PARVA: variants seen among roughly 807,000 people sequenced by gnomAD.
PARVA encodes the protein parvin alpha.
Under a neutral mutation model 52.6 loss-of-function variants are expected in PARVA, and 25 were observed. The ratio of observed to expected loss-of-function variants is 0.48; its 90% CI spans 0.35 to 0.66. The LOEUF is 0.66. Ranked by LOEUF, PARVA falls within the 30% of genes least tolerant of loss-of-function variation. The probability of loss-of-function intolerance (pLI) is 0.01; values close to 1 mark genes in which losing one functional copy is unlikely to be tolerated. For synonymous variants in PARVA, 185 were observed against 179.1 expected (o/e 1.03, Z -0.26); for missense variants, 373 against 450.9 (o/e 0.83, Z 1.56).
At chr11:12,377,233 A>C, upstream of PARVA, 1 of 354,866 alleles carries the variant, frequency 2.8e-6, no homozygotes. Flanking sequence ...GCCGGCTGGA[A>C]GACCCCGGGA....
chr11:12,407,683 A>T (rs758307410), intron 1 of PARVA, among the ~76,000 whole-genome samples: 1 of 152,170 alleles, frequency 6.6e-6, no homozygotes, highest in Non-Finnish European at 1.5e-5. Context: ...GCACAGAGGA[A>T]AGCAGTTTGA....
At chr11:12,493,465 G>A (rs893463214) in intron 4 of PARVA, among the ~76,000 whole-genome samples, 12 of 150,278 alleles carry the variant, frequency 8.0e-5, no homozygotes, top group African/African-American at 1.5e-4. Context: ...CTAAAATATC[G>A]AACAGCAAAA....
At chr11:12,473,393 C>T (rs917571361) in intron 1 of PARVA, among the ~76,000 whole-genome samples, 1 of 152,112 alleles carries the variant, frequency 6.6e-6, no homozygotes, top group Non-Finnish European at 1.5e-5. Flanking sequence ...GACAGGAAGT[C>T]CTGGAAGATG....
chr11:12,399,042 T>C (rs1348543793), intron 1 of PARVA, among the ~76,000 whole-genome samples: 1 of 152,316 alleles, frequency 6.6e-6, no homozygotes, highest in South Asian at 2.1e-4. Flanking sequence ...CACAGAGAGG[T>C]TGAGCAACTA....
rs566995713 is a variant in PARVA, at chr11:12,516,141, A to C, written c.868-1469A>C. Among the ~76,000 whole-genome samples, 69 of 152,334 alleles carry C rather than the reference A, an allele frequency of 4.5e-4. No individual in the cohort carries two copies. The East Asian group carries it at 5.4e-3, about 12-fold the overall frequency. ...GGCATGAGCCACCGCACTCGGCCAG[A>C]AGCTGCCTTTAAGGCAAGCGCAAGC... is the stretch of plus-strand genomic sequence containing the variant. On this transcript the variant is annotated intron_variant, in intron 10 of 12. Transcript: ENST00000334956.
intron 1 of PARVA, among the ~76,000 whole-genome samples, chr11:12,426,966 C>T (rs1049088039): frequency 6.6e-6 from 1 of 152,054 alleles, no homozygotes; most frequent in Admixed American, 6.6e-5. Flanking sequence ...AATAAATAGA[C>T]ATGATTTATT....
rs959286724 is a variant in PARVA, at chr11:12,438,031, C to T, written c.137-35714C>T. 5.9e-5 allele frequency among the ~76,000 whole-genome samples: 9 copies of T among 152,196 alleles called. No individual in the cohort carries two copies. In the South Asian group the frequency reaches 6.2e-4, roughly 11 times the overall value. The stretch of plus-strand genomic sequence containing the variant: ...ATCCCAGCACTTTGGGAGGCCGAGG[C>T]GGGTGGATCACGATGTCAGGAGATC... On this transcript the variant is annotated intron_variant, in intron 1 of 12. Coordinates refer to ENST00000334956, the MANE Select transcript of PARVA (RefSeq NM_018222.5).
intron 1 of PARVA, among the ~76,000 whole-genome samples, chr11:12,390,579 C>T (rs1049351778): frequency 6.6e-6 from 1 of 152,174 alleles, no homozygotes; most frequent in Non-Finnish European, 1.5e-5. Flanking sequence ...GCAGAGGCTG[C>T]TGTAGTCTCT....
intron 1 of PARVA, among the ~76,000 whole-genome samples, chr11:12,415,309 C>G (rs958068535): frequency 6.6e-6 from 1 of 152,148 alleles, no homozygotes; most frequent in Non-Finnish European, 1.5e-5. Flanking sequence ...CACAAAGTTT[C>G]GTGTGTCATA....
At position 12,530,680 on chromosome 11, in the gene PARVA, A is replaced by T. The variant is rs1044405115; in HGVS notation, c.*2755A>T. ...CATATAAAATCTGCGGGCTTCAAAA[A>T]ATATAAGTAGGATGTCATCTATACT... On this transcript the variant is annotated 3_prime_UTR_variant, in exon 13 of 13. Coordinates refer to ENST00000334956, the MANE Select transcript of PARVA (RefSeq NM_018222.5). 6.6e-6 allele frequency: 1 copy of T among 151,752 alleles called. No individual in the cohort carries two copies. Among genetic ancestry groups the T allele is most frequent in the Admixed American group, 6.6e-5 (1 of 15,188 alleles). 9.4% of individuals were successfully genotyped at this position (151,752 alleles called of 1,614,324 possible). A position where few individuals can be genotyped will look rare whatever the true frequency, so the allele number is the denominator to read the frequency against.
At chr11:12,445,748 G>T (rs10831821) in intron 1 of PARVA, among the ~76,000 whole-genome samples, 44,340 of 151,688 alleles carry the variant, frequency 0.29, 7,005 homozygotes, top group Non-Finnish European at 0.35. Flanking sequence ...AATAACAGCC[G>T]GCTCCATACA....
intron 4 of PARVA, among the ~76,000 whole-genome samples, chr11:12,487,008 G>A (rs937815161): frequency 4.6e-5 from 7 of 152,186 alleles, no homozygotes; most frequent in African/African-American, 1.7e-4. Flanking sequence ...GGAGCAGTAT[G>A]GGAGATGCTC....
chr11:12,386,070 G>A (rs1939568491), intron 1 of PARVA, among the ~76,000 whole-genome samples: 1 of 152,140 alleles, frequency 6.6e-6, no homozygotes, highest in South Asian at 2.1e-4. Context: ...CTGAAATACT[G>A]TGTTATCCAC....
At chr11:12,467,165 A>G (rs1374561988) in intron 1 of PARVA, among the ~76,000 whole-genome samples, 1 of 152,304 alleles carries the variant, frequency 6.6e-6, no homozygotes, top group East Asian at 1.9e-4. Context: ...TTAAATTTCA[A>G]CCATTCAGTG....
upstream of PARVA, chr11:12,377,543 C>T (rs1200909793): frequency 6.8e-7 from 1 of 1,467,478 alleles, no homozygotes; most frequent in East Asian, 2.9e-5. Flanking sequence ...TGGAATAATT[C>T]CGCTTCCGTT....
rs1940434882 is a variant in PARVA, at chr11:12,439,634, C to T, written c.137-34111C>T. 2.0e-5 allele frequency among the ~76,000 whole-genome samples: 3 copies of T among 152,282 alleles called. No homozygotes were observed. In the South Asian group the frequency reaches 6.2e-4, roughly 32 times the overall value. On this transcript the variant is annotated intron_variant, in intron 1 of 12. Coordinates refer to ENST00000334956, the MANE Select transcript of PARVA (RefSeq NM_018222.5). The stretch of plus-strand genomic sequence containing the variant: ...TGAAGACCAGCAATCCGTGTCACTA[C>T]CTCGCAGTAAACTCCTTGATGGTTT...
intron 4 of PARVA, among the ~76,000 whole-genome samples, chr11:12,483,926 TACCCC>T (rs889865479): frequency 6.6e-6 from 1 of 152,186 alleles, no homozygotes; most frequent in African/African-American, 2.4e-5. Flanking sequence ...AGTTCCTTCC[TACCCC>T]AGCCAAAAAG....
intron 1 of PARVA, among the ~76,000 whole-genome samples, chr11:12,448,176 T>C (rs1321738461): frequency 6.6e-6 from 1 of 152,308 alleles, no homozygotes; most frequent in African/African-American, 2.4e-5. Context: ...TTGGTCGTGT[T>C]GCAGCATGGC....
chr11:12,511,406 G>A, intron 7 of PARVA, 108 bp from the exon 8 acceptor site: 1 of 1,198,764 alleles, frequency 8.3e-7, no homozygotes, highest in South Asian at 1.3e-5. Flanking sequence ...TGGGTGGCAG[G>A]CAGCATGGGG....
Sources: gnomAD v4.1 joint callset for allele counts (sites outside exome capture counted in the v4.1 genomes callset) on GRCh38, gnomAD v4.1.1 for gene constraint, MANE v1.5 for transcripts, NCBI Gene and HGNC (gene_info 2026-07-23, HGNC 2026-07-21) for gene names.